Variants in LRBA observed in about 807,000 individuals in gnomAD.
The protein encoded by LRBA is lipopolysaccharide-responsive and beige-like anchor protein.
Under a neutral mutation model 330.0 loss-of-function variants are expected in LRBA, and 176 were observed. The ratio of observed to expected loss-of-function variants is 0.53; its 90% CI spans 0.47 to 0.60. The LOEUF is 0.60. LRBA is among the 20% of genes least tolerant of loss of function. The probability of loss-of-function intolerance (pLI) is 0.00; values close to 1 mark genes in which losing one functional copy is unlikely to be tolerated. For synonymous variants in LRBA, 1,230 were observed against 1,193.0 expected (o/e 1.03, Z -0.64); for missense variants, 3,259 against 3,444.8 (o/e 0.95, Z 1.35).
chr4:150,518,077 G>A (rs764753229), intron 40 of LRBA, among the ~76,000 whole-genome samples: 3 of 152,116 alleles, frequency 2.0e-5, no homozygotes, highest in South Asian at 2.1e-4. Flanking sequence ...CTTTCAGTTC[G>A]AGAACTTTCA....
rs1758475425 is a variant in LRBA, at chr4:150,489,350, TATTACATATAAGAATATAA to T, written c.6449-1535_6449-1517del. On this transcript the variant is annotated intron_variant, in intron 41 of 56. Coordinates refer to ENST00000651943, the MANE Select transcript of LRBA (RefSeq NM_001364905.1). ...ATATTACATATAAGAATATAAAATA[TATTACATATAAGAATATAA>T]AATATATTACATATAAGAATATAAA... 2.1e-4 allele frequency among the ~76,000 whole-genome samples: 16 copies of T among 75,640 alleles called. 4 individuals are homozygous for T. The highest frequency in any genetic ancestry group is 7.5e-4 in the Admixed American group (3 of 4,024). The allele number at this position is 75,640 out of a possible 152,430, so 49.6% of individuals were successfully genotyped here.
At chr4:150,276,052 C>T (rs1746719279) in intron 56 of LRBA, among the ~76,000 whole-genome samples, 1 of 152,184 alleles carries the variant, frequency 6.6e-6, no homozygotes, top group African/African-American at 2.4e-5. Flanking sequence ...GCTACAGTAA[C>T]CAAAACAGCA....
intron 40 of LRBA, among the ~76,000 whole-genome samples, chr4:150,516,416 T>C (rs557845750): frequency 6.6e-6 from 1 of 151,798 alleles, no homozygotes; most frequent in South Asian, 2.1e-4. Context: ...TAAACCATAA[T>C]TGGAACTCAG....
intron 43 of LRBA, among the ~76,000 whole-genome samples, chr4:150,470,048 T>G (rs1012785182): frequency 6.6e-6 from 1 of 152,058 alleles, no homozygotes; most frequent in Non-Finnish European, 1.5e-5. Context: ...CCGGGTGTGG[T>G]GGCAGGAGCC....
At chr4:150,721,610 T>G (rs1728945348) in intron 36 of LRBA, 2 of 172,636 alleles carry the variant, frequency 1.2e-5, no homozygotes, top group African/African-American at 4.8e-5. Flanking sequence ...ACTTATAACT[T>G]TATTTATTTA....
intron 36 of LRBA, among the ~76,000 whole-genome samples, chr4:150,685,329 CT>C (rs1783446100): frequency 7.7e-6 from 1 of 130,124 alleles, no homozygotes; most frequent in Non-Finnish European, 1.6e-5. Flanking sequence ...TTTTTTGTTC[CT>C]TACACCAAAA....
At chr4:150,423,610 G>A in intron 46 of LRBA, 1 of 319,718 alleles carries the variant, frequency 3.1e-6, no homozygotes. Context: ...AGACCGAATG[G>A]TGAAATGTCC....
At chr4:150,991,917 A>G (rs189164944) in intron 2 of LRBA, among the ~76,000 whole-genome samples, 1 of 152,368 alleles carries the variant, frequency 6.6e-6, no homozygotes, top group African/African-American at 2.4e-5. Flanking sequence ...GGTAAATGCT[A>G]TAGTAAGTTA....
chr4:150,803,548 G>T (rs1011495483), intron 33 of LRBA, among the ~76,000 whole-genome samples: 1 of 152,022 alleles, frequency 6.6e-6, no homozygotes, highest in Non-Finnish European at 1.5e-5. Flanking sequence ...GCTAGTCACT[G>T]GCAAGGACAG....
intron 40 of LRBA, chr4:150,579,041 G>A (rs1211400274): frequency 6.2e-6 from 2 of 320,572 alleles, no homozygotes; most frequent in Non-Finnish European, 1.2e-5. Context: ...ATGATGAGAC[G>A]GATTATAACA....
At chr4:150,522,069 AATT>A (rs1470051432) in intron 40 of LRBA, among the ~76,000 whole-genome samples, 1 of 152,196 alleles carries the variant, frequency 6.6e-6, no homozygotes, top group Non-Finnish European at 1.5e-5. Context: ...CATAACACAA[AATT>A]ATTATCCTAT....
chr4:150,967,554 C>T (rs1286638995), intron 2 of LRBA, among the ~76,000 whole-genome samples: 1 of 152,190 alleles, frequency 6.6e-6, no homozygotes, highest in Non-Finnish European at 1.5e-5. Flanking sequence ...TACAGACATA[C>T]ATCATTTTAT....
Position 150,960,216 on chromosome 4 carries a change from G to A in LRBA, c.217-31151C>T, listed in dbSNP as rs544336649. 1.1e-3 allele frequency among the ~76,000 whole-genome samples: 157 copies of A among 149,026 alleles called. 1 individual carries two copies. Among genetic ancestry groups the A allele is most frequent in the Middle Eastern group, 3.4e-3 (1 of 294 alleles). ...ATCTAGATGTTGAGAATCAACAGCT[G>A]ATAACATTATAAAAAGAGACAACCT... On this transcript the variant is annotated intron_variant, in intron 2 of 56. Transcript: ENST00000651943.
intron 47 of LRBA, among the ~76,000 whole-genome samples, chr4:150,391,151 T>C (rs1295197668): frequency 6.6e-6 from 1 of 152,186 alleles, no homozygotes; most frequent in African/African-American, 2.4e-5. Flanking sequence ...CTCTACTTAC[T>C]GTTGCCTCTT....
chr4:150,314,339 G>C (rs923200728), intron 51 of LRBA, among the ~76,000 whole-genome samples: 6 of 152,008 alleles, frequency 3.9e-5, no homozygotes, highest in African/African-American at 1.4e-4. Context: ...TTAAGAACCA[G>C]AGTGGTATTT....
chr4:150,460,468 G>GAA (rs1754632487), intron 44 of LRBA, among the ~76,000 whole-genome samples: 1 of 151,780 alleles, frequency 6.6e-6, no homozygotes, highest in Non-Finnish European at 1.5e-5. Flanking sequence ...CTACTCTTTA[G>GAA]AACTATTTGG....
intron 40 of LRBA, among the ~76,000 whole-genome samples, chr4:150,535,532 T>A (rs1302405439): frequency 6.6e-6 from 1 of 152,208 alleles, no homozygotes; most frequent in African/African-American, 2.4e-5. Flanking sequence ...TATCACCATT[T>A]AAATAAATGC....
At chr4:150,773,216 T>C (rs1422387773) in intron 34 of LRBA, among the ~76,000 whole-genome samples, 1 of 152,202 alleles carries the variant, frequency 6.6e-6, no homozygotes, top group East Asian at 1.9e-4. Flanking sequence ...GTGATTTCTC[T>C]GTGGAAGTGA....
intron 53 of LRBA, among the ~76,000 whole-genome samples, chr4:150,290,642 G>A (rs185550938): frequency 6.6e-6 from 1 of 152,290 alleles, no homozygotes; most frequent in East Asian, 1.9e-4. Context: ...TACTTCAAAG[G>A]AAAGGGTGTC....
Sources: gnomAD v4.1 joint callset for allele counts (sites outside exome capture counted in the v4.1 genomes callset) on GRCh38, gnomAD v4.1.1 for gene constraint, MANE v1.5 for transcripts, NCBI Gene and HGNC (gene_info 2026-07-23, HGNC 2026-07-21) for gene names.